The following SGCD variants were observed in gnomAD, a reference collection of about 807,000 sequenced individuals.
SGCD encodes delta-sarcoglycan.
SGCD carries 18 observed loss-of-function variants against 36.6 expected under a neutral mutation model. The ratio of observed to expected loss-of-function variants is 0.49; its 90% CI spans 0.34 to 0.73. The LOEUF (loss-of-function observed/expected upper bound fraction) is 0.73. Among genes scored for constraint, SGCD ranks in the 30% least tolerant of loss-of-function variants. The pLI is 0.01. For synonymous variants in SGCD, 133 were observed against 130.6 expected (o/e 1.02, Z -0.12); for missense variants, 387 against 346.7 (o/e 1.12, Z -0.92).
intron 3 of SGCD, among the ~76,000 whole-genome samples, chr5:156,303,058 G>T (rs997073124): frequency 6.6e-6 from 1 of 152,216 alleles, no homozygotes; most frequent in Non-Finnish European, 1.5e-5. Flanking sequence ...CCTCAGGGCA[G>T]TTAGCTGCCC....
intron 1 of SGCD, among the ~76,000 whole-genome samples, chr5:155,981,737 A>G (rs115667858): frequency 2.0e-3 from 310 of 152,172 alleles, no homozygotes; most frequent in African/African-American, 7.0e-3. Flanking sequence ...AATCTGTGCT[A>G]TATCTGATTG....
intron 1 of SGCD, among the ~76,000 whole-genome samples, chr5:155,905,097 G>T (rs10515731): frequency 0.16 from 24,529 of 152,110 alleles, 2,728 homozygotes; most frequent in Admixed American, 0.38. Context: ...AAATGTTAGG[G>T]ATGATCTGCA....
At chr5:156,148,891 T>A (rs995703930) in intron 3 of SGCD, among the ~76,000 whole-genome samples, 1 of 152,182 alleles carries the variant, frequency 6.6e-6, no homozygotes, top group African/African-American at 2.4e-5. Context: ...AAGTGGGCCC[T>A]GGTACAAGGT....
chr5:155,915,571 A>G (rs1211252588), intron 1 of SGCD, among the ~76,000 whole-genome samples: 1 of 152,202 alleles, frequency 6.6e-6, no homozygotes, highest in Non-Finnish European at 1.5e-5. Flanking sequence ...ATAGCATTGT[A>G]TCAATTTTAT....
chr5:156,031,788 C>T (rs1338296052), intron 1 of SGCD, among the ~76,000 whole-genome samples: 1 of 152,126 alleles, frequency 6.6e-6, no homozygotes, highest in Non-Finnish European at 1.5e-5. Context: ...TTGAATAATT[C>T]AGCCAGGCCA....
chr5:155,817,818 T>C, the SGCD span, among the ~76,000 whole-genome samples: 3 of 152,180 alleles, frequency 2.0e-5, no homozygotes, highest in Non-Finnish European at 2.9e-5. Context: ...TTTCTTAGGC[T>C]CTTTACTTTC....
At chr5:156,187,727 A>G (rs1328942668) in intron 3 of SGCD, among the ~76,000 whole-genome samples, 2 of 152,132 alleles carry the variant, frequency 1.3e-5, no homozygotes, top group Non-Finnish European at 2.9e-5. Flanking sequence ...AAGCTAAGCT[A>G]AGGGAGAAAG....
intron 4 of SGCD, among the ~76,000 whole-genome samples, chr5:156,511,234 G>A (rs1233173716): frequency 6.6e-6 from 1 of 152,046 alleles, no homozygotes; most frequent in Non-Finnish European, 1.5e-5. Flanking sequence ...TCTAACTGAA[G>A]GAGAAAATAC....
At chr5:156,275,831 A>T (rs149129094) in intron 3 of SGCD, among the ~76,000 whole-genome samples, 72 of 152,270 alleles carry the variant, frequency 4.7e-4, no homozygotes, top group African/African-American at 1.7e-3. Flanking sequence ...TTGACATGTA[A>T]TAATGTGAAA....
intron 3 of SGCD, among the ~76,000 whole-genome samples, chr5:156,146,756 G>A (rs554265460): frequency 3.9e-5 from 6 of 152,318 alleles, no homozygotes; most frequent in African/African-American, 1.2e-4. Flanking sequence ...CTAACCACTA[G>A]AGAGTTAAAG....
intron 1 of SGCD, among the ~76,000 whole-genome samples, chr5:156,098,514 A>G (rs1043959961): frequency 6.6e-6 from 1 of 152,032 alleles, no homozygotes; most frequent in African/African-American, 2.4e-5. Flanking sequence ...TCATAATACA[A>G]TTATAGTTTA....
intron 1 of SGCD, among the ~76,000 whole-genome samples, chr5:155,891,680 A>G (rs1287016497): frequency 1.4e-5 from 2 of 147,022 alleles, no homozygotes; most frequent in Admixed American, 1.4e-4. Flanking sequence ...GCCTGCATGC[A>G]CCATGTCTGG....
chr5:156,507,338 G>A (rs748160779), intron 3 of SGCD, among the ~76,000 whole-genome samples: 20 of 152,134 alleles, frequency 1.3e-4, no homozygotes, highest in Non-Finnish European at 1.9e-4. Flanking sequence ...TGGAAGTGAG[G>A]CCATGAGCCC....
chr5:156,140,837 C>A (rs1472037170), intron 3 of SGCD, among the ~76,000 whole-genome samples: 1 of 152,076 alleles, frequency 6.6e-6, no homozygotes, highest in Non-Finnish European at 1.5e-5. Context: ...AGAAGTTAGC[C>A]CCATGCTATT....
Position 156,476,183 on chromosome 5 carries a change from A to C in SGCD, c.193-32418A>C, listed in dbSNP as rs538686078. Among the ~76,000 whole-genome samples the C allele has an allele frequency of 5.9e-5, 9 of 152,342 alleles. No individual in the cohort carries two copies. The South Asian group carries it at 1.5e-3, about 25-fold the overall frequency. ...GTTTCTGGGGGTATAGGAGAATAGC[A>C]TGGAGATTTGTGGGGATCCTGCAGG... On this transcript the variant is annotated intron_variant, in intron 3 of 8. Coordinates refer to ENST00000337851, the MANE Select transcript of SGCD (RefSeq NM_000337.6).
At chr5:156,338,084 C>T (rs1173554251) in intron 2 of SGCD, among the ~76,000 whole-genome samples, 1 of 152,124 alleles carries the variant, frequency 6.6e-6, no homozygotes, top group Non-Finnish European at 1.5e-5. Flanking sequence ...TTGATCATGG[C>T]CCATACAATT....
chr5:156,611,503 A>G (rs1465943445), intron 6 of SGCD, among the ~76,000 whole-genome samples: 1 of 152,120 alleles, frequency 6.6e-6, no homozygotes, highest in African/African-American at 2.4e-5. Context: ...TTTCTTATTT[A>G]TGACTTGACA....
chr5:155,960,104 A>G (rs191448053), intron 1 of SGCD, among the ~76,000 whole-genome samples: 119 of 152,140 alleles, frequency 7.8e-4, no homozygotes, highest in Admixed American at 2.1e-3. Context: ...AAAAGACATG[A>G]CTTTGTCTTC....
At chr5:155,969,169 G>T (rs751898732) in intron 1 of SGCD, among the ~76,000 whole-genome samples, 8 of 152,060 alleles carry the variant, frequency 5.3e-5, no homozygotes, top group Non-Finnish European at 1.0e-4. Flanking sequence ...TCTCTAGGGT[G>T]CGTGTCTAGG....
Sources: allele counts gnomAD v4.1 joint callset (sites outside exome capture counted in the v4.1 genomes callset), GRCh38; gene constraint gnomAD v4.1.1; transcripts MANE v1.5; gene names NCBI Gene and HGNC (gene_info 2026-07-23, HGNC 2026-07-21).